The following ASXL3 variants were observed in gnomAD, a reference collection of about 807,000 sequenced individuals.
ASXL3 encodes ASXL transcriptional regulator 3.
In ASXL3, 34 loss-of-function variants were observed where a neutral mutation model predicts 170.6. That is an observed-to-expected ratio of 0.20 (90% CI 0.15 to 0.27). ASXL3 has a LOEUF of 0.27. ASXL3 is among the 10% of genes least tolerant of loss of function. The probability of loss-of-function intolerance (pLI) is 1.00; values close to 1 mark genes in which losing one functional copy is unlikely to be tolerated. For missense variants in ASXL3, 2,592 were observed against 2,695.3 expected, an observed-to-expected ratio of 0.96 and a Z score of 0.85; for synonymous variants, 1,002 against 989.1, an observed-to-expected ratio of 1.01 and a Z score of -0.24.
chr18:33,713,236 T>TG (rs2067102070), intron 8 of ASXL3, among the ~76,000 whole-genome samples: 2 of 60,784 alleles, frequency 3.3e-5, no homozygotes, highest in Non-Finnish European at 5.8e-5. Context: ...AAGGTTTTTT[T>TG]TGTTTTGTTT....
At chr18:33,699,363 A>AT (rs2066830333) in intron 8 of ASXL3, among the ~76,000 whole-genome samples, 1 of 151,854 alleles carries the variant, frequency 6.6e-6, no homozygotes, top group Non-Finnish European at 1.5e-5. Context: ...AATGAGAAAT[A>AT]ATGAAATTAT....
chr18:33,632,090 G>T (rs1286042361), intron 2 of ASXL3, among the ~76,000 whole-genome samples: 1 of 152,048 alleles, frequency 6.6e-6, no homozygotes, highest in Non-Finnish European at 1.5e-5. Context: ...AGAAAAAACT[G>T]TATTTAAAGA....
intron 8 of ASXL3, among the ~76,000 whole-genome samples, chr18:33,721,824 CA>C (rs2067265504): frequency 6.6e-6 from 1 of 152,064 alleles, no homozygotes; most frequent in Non-Finnish European, 1.5e-5. Flanking sequence ...AAGTTGGAGG[CA>C]ACCCTGCACT....
intron 1 of ASXL3, among the ~76,000 whole-genome samples, chr18:33,599,587 G>A (rs1457767443): frequency 6.6e-6 from 1 of 152,138 alleles, no homozygotes; most frequent in East Asian, 1.9e-4. Context: ...GATTACAAAA[G>A]AACTTTGTAA....
chr18:33,705,354 T>C (rs2066939297), intron 8 of ASXL3, among the ~76,000 whole-genome samples: 1 of 151,018 alleles, frequency 6.6e-6, no homozygotes, highest in Non-Finnish European at 1.5e-5. Flanking sequence ...GTTTGGAAAA[T>C]GTGTTTTTTG....
At position 33,737,972 on chromosome 18, in the gene ASXL3, G is replaced by A. The variant is rs143616237; in HGVS notation, c.1083-515G>A. 5.3e-3 allele frequency among the ~76,000 whole-genome samples: 807 copies of A among 151,992 alleles called. 2 individuals are homozygous for A. The highest frequency in any genetic ancestry group is 0.018 in the African/African-American group (756 of 41,484). On this transcript the variant is annotated intron_variant, in intron 10 of 11. Coordinates refer to ENST00000269197, the MANE Select transcript of ASXL3 (RefSeq NM_030632.3). ...ATTTTATACGTTATTTTGCTTTTCT[G>A]CTCATATTTTCTAATACTTTGTTGT...
chr18:33,689,212 T>A (rs2066648209), intron 8 of ASXL3, among the ~76,000 whole-genome samples: 1 of 152,182 alleles, frequency 6.6e-6, no homozygotes, highest in African/African-American at 2.4e-5. Context: ...CAGACTAGTT[T>A]TGAACTCCTG....
chr18:33,588,364 T>TTG (rs892221075), intron 1 of ASXL3, among the ~76,000 whole-genome samples: 6 of 151,892 alleles, frequency 4.0e-5, no homozygotes, highest in African/African-American at 1.5e-4. Context: ...AGCAGGTTTT[T>TTG]TTTTTTTTTG....
chr18:33,688,036 A>G (rs2066625750), intron 8 of ASXL3, among the ~76,000 whole-genome samples: 1 of 152,178 alleles, frequency 6.6e-6, no homozygotes, highest in Non-Finnish European at 1.5e-5. Flanking sequence ...ACCCGAATCA[A>G]GATGTGAGCA....
rs976158208 is a variant in ASXL3, at chr18:33,597,658, A to G, written c.55-9936A>G. 5.3e-5 allele frequency among the ~76,000 whole-genome samples: 8 copies of G among 152,144 alleles called. No individual in the cohort carries two copies. The East Asian group carries it at 1.2e-3, about 22-fold the overall frequency. On this transcript the variant is annotated intron_variant, in intron 1 of 11. Coordinates refer to ENST00000269197, the MANE Select transcript of ASXL3 (RefSeq NM_030632.3). ...GAGATTTTACCATTTGATACAAGGC[A>G]GTATATTGTGATGGTGAAACACTTG...
At chr18:33,671,459 A>G (rs1342648155) in intron 6 of ASXL3, among the ~76,000 whole-genome samples, 1 of 152,064 alleles carries the variant, frequency 6.6e-6, no homozygotes, top group African/African-American at 2.4e-5. Flanking sequence ...GTTCAAGCTT[A>G]TTCGTGTATT....
intron 8 of ASXL3, among the ~76,000 whole-genome samples, chr18:33,688,457 C>A (rs1455198036): frequency 6.6e-6 from 1 of 152,080 alleles, no homozygotes; most frequent in Non-Finnish European, 1.5e-5. Context: ...GGTTTTAAGA[C>A]AGTAGAAGAT....
intron 7 of ASXL3, among the ~76,000 whole-genome samples, chr18:33,678,136 C>T (rs990221445): frequency 2.0e-5 from 3 of 151,420 alleles, no homozygotes; most frequent in Admixed American, 6.6e-5. Context: ...TGCTGTTTTC[C>T]AGGCTAGTCT....
intron 10 of ASXL3, among the ~76,000 whole-genome samples, chr18:33,734,931 T>A (rs938610116): frequency 1.3e-5 from 2 of 152,186 alleles, no homozygotes; most frequent in Non-Finnish European, 2.9e-5. Flanking sequence ...CTGCTTTTTT[T>A]AAGTGACATG....
intron 2 of ASXL3, among the ~76,000 whole-genome samples, chr18:33,619,271 G>A (rs1021556716): frequency 5.9e-5 from 9 of 151,960 alleles, no homozygotes; most frequent in African/African-American, 2.2e-4. Context: ...ATTTAAAAAA[G>A]TATTGGTTAT....
chr18:33,625,269 C>T (rs537997739), intron 2 of ASXL3, among the ~76,000 whole-genome samples: 98 of 152,174 alleles, frequency 6.4e-4, no homozygotes, highest in African/African-American at 2.0e-3. Context: ...TCATAGTGGC[C>T]ATCACAGCAA....
At position 33,578,585 on chromosome 18, in the gene ASXL3, C is replaced by T. The variant is rs751250598; in HGVS notation, c.-47C>T. 7 of 1,203,722 alleles carry T rather than the reference C, an allele frequency of 5.8e-6. No individual in the cohort carries two copies. The highest frequency in any genetic ancestry group is 4.7e-5 in the East Asian group (1 of 21,154). The allele number at this position is 1,203,722 out of a possible 1,614,324, so 74.6% of individuals were successfully genotyped here. A position where few individuals can be genotyped will look rare whatever the true frequency, so the allele number is the denominator to read the frequency against. ...CTCCGCGCCCGAACCCCGAGCACCC[C>T]GTGGAATCCCCCACGTCATCATCAG... On this transcript the variant is annotated 5_prime_UTR_variant, in exon 1 of 12. Transcript: ENST00000269197.
At chr18:33,590,111 G>GTTTTTTTTTTTGTTTTT (rs2065064686) in intron 1 of ASXL3, among the ~76,000 whole-genome samples, 4 of 83,184 alleles carry the variant, frequency 4.8e-5, no homozygotes, top group African/African-American at 6.9e-5. Flanking sequence ...TGCTTTCTAT[G>GTTTTTTTTTTTGTTTTT]TTTTTTTTTT....
At chr18:33,642,159 A>G (rs910621892) in intron 2 of ASXL3, among the ~76,000 whole-genome samples, 1 of 151,976 alleles carries the variant, frequency 6.6e-6, no homozygotes. Flanking sequence ...ATATAAAAAT[A>G]ATAAAATTAC....
Sources: gnomAD v4.1 joint callset for allele counts (sites outside exome capture counted in the v4.1 genomes callset) on GRCh38, gnomAD v4.1.1 for gene constraint, MANE v1.5 for transcripts, NCBI Gene and HGNC (gene_info 2026-07-23, HGNC 2026-07-21) for gene names.